The following ZNF469 variants were observed in gnomAD, a reference collection of about 807,000 sequenced individuals.
The protein encoded by ZNF469 is zinc finger protein 469.
A neutral mutation model predicts 1.0 loss-of-function variants in ZNF469; 1 was observed. The observed-to-expected ratio is 1.00, with a 90% CI of 0.35 to 4.73. The LOEUF (loss-of-function observed/expected upper bound fraction) is 4.73, where lower values mean the gene tolerates loss of function less well. ZNF469 is among the 30% of genes most tolerant of loss of function. The pLI, the probability that ZNF469 is intolerant of heterozygous loss-of-function variation, is 0.16. For synonymous variants in ZNF469, 2,703 were observed against 2,363.4 expected, an observed-to-expected ratio of 1.14 and a Z score of -4.17; for missense variants, 6,100 against 5,356.3, an observed-to-expected ratio of 1.14 and a Z score of -4.33.
At chr16:88,148,632 C>T in the ZNF469 span, among the ~76,000 whole-genome samples, 1 of 152,174 alleles carries the variant, frequency 6.6e-6, no homozygotes, top group East Asian at 1.9e-4. Context: ...GAGGCAAACC[C>T]CCTTCCAGAA....
At chr16:88,308,740 G>T in the ZNF469 span, among the ~76,000 whole-genome samples, 2 of 152,148 alleles carry the variant, frequency 1.3e-5, no homozygotes, top group Admixed American at 6.5e-5. Flanking sequence ...AGATTCTCAG[G>T]AGACCCCCAG....
chr16:88,240,381 A>G, the ZNF469 span, among the ~76,000 whole-genome samples: 1 of 152,172 alleles, frequency 6.6e-6, no homozygotes, highest in Non-Finnish European at 1.5e-5. Flanking sequence ...GCAGAGAAAG[A>G]GCATGGTGGG....
At chr16:88,299,951 C>T in the ZNF469 span, among the ~76,000 whole-genome samples, 1 of 152,178 alleles carries the variant, frequency 6.6e-6, no homozygotes, top group African/African-American at 2.4e-5. Flanking sequence ...GTGGTGGCAT[C>T]ACCACGGCCC....
chr16:88,220,894 A>G, the ZNF469 span, among the ~76,000 whole-genome samples: 1 of 152,136 alleles, frequency 6.6e-6, no homozygotes, highest in Non-Finnish European at 1.5e-5. Context: ...CCCACTTGCC[A>G]CTTGCTCTCC....
chr16:88,354,686 C>A, the ZNF469 span, among the ~76,000 whole-genome samples: 1 of 152,182 alleles, frequency 6.6e-6, no homozygotes, highest in African/African-American at 2.4e-5. Context: ...TGTGTCTAAA[C>A]GCTCTTTGAA....
chr16:88,203,144 C>T, the ZNF469 span, among the ~76,000 whole-genome samples: 1 of 152,092 alleles, frequency 6.6e-6, no homozygotes. Flanking sequence ...GTGGGAAGGG[C>T]AGAGGTGGTG....
chr16:88,193,057 ATGGTGGTGATGGTGG>A, the ZNF469 span, among the ~76,000 whole-genome samples: 89 of 62,926 alleles, frequency 1.4e-3, no homozygotes, highest in Non-Finnish European at 2.4e-3. Flanking sequence ...GATGATGGTG[ATGGTGGTGATGGTGG>A]TGGTGGTGAT....
chr16:88,333,327 A>G, the ZNF469 span, among the ~76,000 whole-genome samples: 1 of 139,878 alleles, frequency 7.1e-6, no homozygotes, highest in South Asian at 2.6e-4. Context: ...GGACTTGCTG[A>G]GTCACGGAAG....
chr16:88,342,032 A>C, the ZNF469 span, among the ~76,000 whole-genome samples: 3 of 151,928 alleles, frequency 2.0e-5, no homozygotes, highest in Non-Finnish European at 4.4e-5. Flanking sequence ...GCTCCAGCCA[A>C]CAGGGTCCCA....
At chr16:88,139,594 C>T in the ZNF469 span, among the ~76,000 whole-genome samples, 1,023 of 145,218 alleles carry the variant, frequency 7.0e-3, 4 homozygotes, top group Middle Eastern at 0.019. Flanking sequence ...GGCCTGGGGA[C>T]GTGATGAAGA....
chr16:88,140,845 G>C, the ZNF469 span, among the ~76,000 whole-genome samples: 12 of 152,150 alleles, frequency 7.9e-5, no homozygotes, highest in South Asian at 4.1e-4. Flanking sequence ...AGGCAGGAGA[G>C]TCGCTTGAAC....
the ZNF469 span, among the ~76,000 whole-genome samples, chr16:88,153,961 G>T: frequency 6.6e-6 from 1 of 151,760 alleles, no homozygotes; most frequent in African/African-American, 2.4e-5. Flanking sequence ...CTCCTTAAAG[G>T]CCCCATCTTC....
the ZNF469 span, among the ~76,000 whole-genome samples, chr16:88,147,968 T>C: frequency 5.4e-3 from 817 of 152,194 alleles, 11 homozygotes; most frequent in African/African-American, 0.017. Flanking sequence ...CACCTGTCTT[T>C]GCACCCCACT....
chr16:88,221,200 T>A, the ZNF469 span, among the ~76,000 whole-genome samples: 1 of 152,234 alleles, frequency 6.6e-6, no homozygotes, highest in Non-Finnish European at 1.5e-5. Context: ...GATGAGGGCT[T>A]CGGGTAAGGA....
chr16:88,112,771 G>GATTTTTTTTTTTTTTTTTTTT, the ZNF469 span, among the ~76,000 whole-genome samples: 1 of 66,870 alleles, frequency 1.5e-5, no homozygotes, highest in African/African-American at 5.2e-5. Flanking sequence ...CTGTGCAGAA[G>GATTTTTTTTTTTTTTTTTTTT]CTTTTTTTTT....
At chr16:88,213,351 G>A in the ZNF469 span, among the ~76,000 whole-genome samples, 2 of 152,008 alleles carry the variant, frequency 1.3e-5, no homozygotes, top group East Asian at 1.9e-4. Flanking sequence ...CGCTCGCCTC[G>A]GCCTCCCAAA....
chr16:88,169,720 G>A, the ZNF469 span, among the ~76,000 whole-genome samples: 5 of 152,228 alleles, frequency 3.3e-5, no homozygotes, highest in Admixed American at 6.5e-5. The surrounding 1 kb of genome is among the most constrained non-coding windows in gnomAD (Gnocchi z 6.1). Context: ...CTCCGTCCCA[G>A]CACCCAGCCA....
chr16:88,405,921 AAC>A (rs146539268), intron 1 of ZNF469, among the ~76,000 whole-genome samples: 16 of 151,540 alleles, frequency 1.1e-4, no homozygotes, highest in South Asian at 6.2e-4. Flanking sequence ...CCGCCCCCAA[AAC>A]ACACACACAC....
chr16:88,180,443 T>C, the ZNF469 span, among the ~76,000 whole-genome samples: 3 of 152,212 alleles, frequency 2.0e-5, no homozygotes, highest in African/African-American at 7.2e-5. Flanking sequence ...CAAGGAATAT[T>C]ACCAGAGATG....
Sources: gnomAD v4.1 joint callset for allele counts (sites outside exome capture counted in the v4.1 genomes callset) on GRCh38, gnomAD v4.1.1 for gene constraint, Gnocchi (gnomAD v3.1) non-coding constraint, MANE v1.5 for transcripts, NCBI Gene and HGNC (gene_info 2026-07-23, HGNC 2026-07-21) for gene names.